The following HAPLN1 variants were observed in gnomAD, a reference collection of about 807,000 sequenced individuals.
The protein encoded by HAPLN1 is Cartilage link protein.
A neutral mutation model predicts 36.5 loss-of-function variants in HAPLN1; 13 were observed. The observed-to-expected ratio is 0.36, with a 90% confidence interval of 0.23 to 0.57. HAPLN1 has a LOEUF of 0.57. HAPLN1 is among the 20% of genes least tolerant of loss of function. HAPLN1 has a pLI of 0.83. For synonymous variants in HAPLN1, 202 were observed against 169.8 expected (o/e 1.19, Z -1.48); for missense variants, 407 against 439.7 (o/e 0.93, Z 0.66).
At chr5:83,677,470 G>A (rs1750885901) in intron 1 of HAPLN1, among the ~76,000 whole-genome samples, 1 of 152,178 alleles carries the variant, frequency 6.6e-6, no homozygotes. Context: ...TACCAAGTCA[G>A]CTAAAAAGCT....
At chr5:83,717,459 C>T (rs1257087796) in intron 1 of HAPLN1, among the ~76,000 whole-genome samples, 1 of 152,170 alleles carries the variant, frequency 6.6e-6, no homozygotes, top group East Asian at 1.9e-4. Flanking sequence ...CTACAAAGCT[C>T]CCCAAGTAAC....
intron 1 of HAPLN1, among the ~76,000 whole-genome samples, chr5:83,679,317 TAA>T (rs1206930588): frequency 6.6e-6 from 1 of 152,190 alleles, no homozygotes; most frequent in Non-Finnish European, 1.5e-5. Context: ...ACCATGCGTA[TAA>T]AACATGGGAG....
At chr5:83,690,900 G>A (rs1200593641) in intron 1 of HAPLN1, among the ~76,000 whole-genome samples, 2 of 151,796 alleles carry the variant, frequency 1.3e-5, no homozygotes, top group Non-Finnish European at 2.9e-5. Context: ...TTATTTTAGA[G>A]AAACTAGAAA....
intron 1 of HAPLN1, among the ~76,000 whole-genome samples, chr5:83,693,295 A>C (rs1418191960): frequency 6.6e-6 from 1 of 151,908 alleles, no homozygotes; most frequent in Non-Finnish European, 1.5e-5. Context: ...GGTATATACT[A>C]TAAAACCTAA....
At chr5:83,662,014 G>A (rs1750413234) in intron 2 of HAPLN1, among the ~76,000 whole-genome samples, 2 of 152,098 alleles carry the variant, frequency 1.3e-5, no homozygotes, top group African/African-American at 2.4e-5. Context: ...TCTCAATTTC[G>A]GAAGTTAACC....
intron 3 of HAPLN1, among the ~76,000 whole-genome samples, chr5:83,648,011 A>G (rs1448297495): frequency 6.6e-6 from 1 of 152,090 alleles, no homozygotes; most frequent in East Asian, 1.9e-4. Flanking sequence ...TGGAAGCATA[A>G]ATGTCATGTT....
Position 83,641,567 on chromosome 5 carries a change from C to A in HAPLN1, c.994G>T (p.Val332Leu), listed in dbSNP as rs1487880259. The change falls in exon 5 of 5, where the codon GTG becomes TTG. Residue 332 changes from valine to leucine, a missense_variant. Coordinates refer to ENST00000274341, the MANE Select transcript of HAPLN1 (RefSeq NM_001884.4). Reference sequence around the variant, plus strand: ...TTATCTGGGAAACCCACGAAGCGCACTGCAGCCTCAGTAGGACTGCAGCGC... The same window carrying A: ...TTATCTGGGAAACCCACGAAGCGCAATGCAGCCTCAGTAGGACTGCAGCGC... ...RRRCSPTEAA[V>L]RFVGFPDKKH... 9 of 1,614,110 alleles carry A rather than the reference C, an allele frequency of 5.6e-6. No individual in the cohort carries two copies. The highest frequency in any genetic ancestry group is 6.8e-6 in the Non-Finnish European group (8 of 1,180,042).
At chr5:83,661,599 C>T (rs1031738706) in intron 2 of HAPLN1, among the ~76,000 whole-genome samples, 4 of 151,940 alleles carry the variant, frequency 2.6e-5, no homozygotes, top group Admixed American at 1.3e-4. Flanking sequence ...CGTCTGCCAC[C>T]CCGCCCGGCT....
intron 3 of HAPLN1, among the ~76,000 whole-genome samples, chr5:83,649,570 T>C (rs1749994012): frequency 6.6e-6 from 1 of 152,202 alleles, no homozygotes; most frequent in South Asian, 2.1e-4. Flanking sequence ...TGCCTCAGCC[T>C]CCAGAGTAGC....
intron 2 of HAPLN1, among the ~76,000 whole-genome samples, chr5:83,664,700 T>C (rs1750506968): frequency 6.6e-6 from 1 of 152,186 alleles, no homozygotes; most frequent in South Asian, 2.1e-4. Context: ...CTTTTATATT[T>C]ATTATTTATA....
Position 83,641,445 on chromosome 5 carries a change from C to A in HAPLN1, c.*51G>T, listed in dbSNP as rs758972789. 4.7e-6 allele frequency: 7 copies of A among 1,483,998 alleles called. No homozygotes were observed. The highest frequency in any genetic ancestry group is 2.8e-5 in the South Asian group (2 of 71,164). 91.9% of individuals were successfully genotyped at this position (1,483,998 alleles called of 1,614,324 possible). A position where few individuals can be genotyped will look rare whatever the true frequency, so the allele number is the denominator to read the frequency against. On this transcript the variant is annotated 3_prime_UTR_variant, in exon 5 of 5. Transcript: ENST00000274341. ...GAGTTCATATTGGAAAAAAAAAACA[C>A]CTTTCACATGTTCTTAATGACTTTA...
At chr5:83,700,130 GT>G (rs1169004403) in intron 1 of HAPLN1, among the ~76,000 whole-genome samples, 7 of 148,516 alleles carry the variant, frequency 4.7e-5, no homozygotes, top group Non-Finnish European at 3.0e-5. Context: ...GGAGGCGGAG[GT>G]TACAGTGAGC....
chr5:83,656,725 A>G (rs2112573098), intron 2 of HAPLN1, among the ~76,000 whole-genome samples: 1 of 152,286 alleles, frequency 6.6e-6, no homozygotes, highest in South Asian at 2.1e-4. Flanking sequence ...AGTTGTCTCC[A>G]GGGGAAACTG....
At chr5:83,706,740 G>A (rs756580685) in intron 1 of HAPLN1, among the ~76,000 whole-genome samples, 6 of 152,102 alleles carry the variant, frequency 3.9e-5, no homozygotes, top group Non-Finnish European at 8.8e-5. Flanking sequence ...CAGCAATCAG[G>A]CAAGAGAAAG....
chr5:83,700,602 G>A (rs1008932947), intron 1 of HAPLN1, among the ~76,000 whole-genome samples: 32 of 150,278 alleles, frequency 2.1e-4, no homozygotes, highest in African/African-American at 7.1e-4. Context: ...ACAGTAAATT[G>A]GTATTTTCCT....
intron 3 of HAPLN1, among the ~76,000 whole-genome samples, chr5:83,651,430 A>C (rs901838499): frequency 2.0e-5 from 3 of 152,334 alleles, no homozygotes; most frequent in South Asian, 4.2e-4. Context: ...AACTTAAAGC[A>C]AAAGTGGCAT....
chr5:83,661,694 C>T (rs1421478629), intron 2 of HAPLN1, among the ~76,000 whole-genome samples: 1 of 152,094 alleles, frequency 6.6e-6, no homozygotes, highest in Non-Finnish European at 1.5e-5. Context: ...CCGCCCGCCT[C>T]GGCCTCCCAA....
intron 2 of HAPLN1, among the ~76,000 whole-genome samples, chr5:83,660,258 T>C (rs903979839): frequency 1.3e-5 from 2 of 152,180 alleles, no homozygotes; most frequent in African/African-American, 2.4e-5. Context: ...AATATAGTAC[T>C]GTTTTGAGTG....
At chr5:83,649,532 T>C (rs1323489542) in intron 3 of HAPLN1, among the ~76,000 whole-genome samples, 2 of 152,150 alleles carry the variant, frequency 1.3e-5, no homozygotes, top group Non-Finnish European at 1.5e-5. Context: ...CACTGCAATC[T>C]CCGCCTCCTG....
Sources: allele counts gnomAD v4.1 joint callset (sites outside exome capture counted in the v4.1 genomes callset), GRCh38; gene constraint gnomAD v4.1.1; transcripts MANE v1.5; gene names NCBI Gene and HGNC (gene_info 2026-07-23, HGNC 2026-07-21).